MYO16: variants seen among roughly 807,000 people sequenced by gnomAD.
MYO16 encodes the protein unconventional myosin-XVI.
A neutral mutation model predicts 205.3 loss-of-function variants in MYO16; 94 were observed. That is an observed-to-expected ratio of 0.46 (90% CI 0.39 to 0.54). The LOEUF (loss-of-function observed/expected upper bound fraction) is 0.54. MYO16 is among the 20% of genes least tolerant of loss of function. The pLI, the probability that MYO16 is intolerant of heterozygous loss-of-function variation, is 0.00. For synonymous variants in MYO16, 988 were observed against 954.0 expected, an observed-to-expected ratio of 1.04 and a Z score of -0.66; for missense variants, 2,315 against 2,387.5, an observed-to-expected ratio of 0.97 and a Z score of 0.63.
intron 34 of MYO16, among the ~76,000 whole-genome samples, chr13:109,200,040 AG>A (rs1880339779): frequency 6.6e-6 from 1 of 152,226 alleles, no homozygotes; most frequent in South Asian, 2.1e-4. Flanking sequence ...CTTGTGTTTC[AG>A]AATCTAATAA....
chr13:108,572,809 G>T, the MYO16 span, among the ~76,000 whole-genome samples: 1 of 152,252 alleles, frequency 6.6e-6, no homozygotes, highest in South Asian at 2.1e-4. Context: ...ATGGGGAGGG[G>T]AGCATGTTAA....
At chr13:108,730,313 A>T (rs1434582185) in intron 4 of MYO16, among the ~76,000 whole-genome samples, 1 of 152,132 alleles carries the variant, frequency 6.6e-6, no homozygotes, top group Admixed American at 6.6e-5. Flanking sequence ...CCATGATTGT[A>T]AGTTTCCTGA....
intron 9 of MYO16, among the ~76,000 whole-genome samples, chr13:108,833,591 C>T (rs980037949): frequency 6.6e-6 from 1 of 152,048 alleles, no homozygotes; most frequent in Non-Finnish European, 1.5e-5. Flanking sequence ...TATTTCATCT[C>T]TATGGTTTTC....
In MYO16 at chr13:109,038,484, A is replaced by C. The variant is rs1001892315; in HGVS notation, c.2797-8432A>C. ...CCCTCTGACTTAGACTGGAATCTACACTATTGGCTCTCTGGCTGTCAGGCT... is the reference window on the plus strand; with the variant it reads ...CCCTCTGACTTAGACTGGAATCTACCCTATTGGCTCTCTGGCTGTCAGGCT... On this transcript the variant is annotated intron_variant, in intron 23 of 34. Transcript: ENST00000457511. Among the ~76,000 whole-genome samples, 5 of 152,164 alleles carry C rather than the reference A, an allele frequency of 3.3e-5. No homozygotes were observed. The South Asian group carries it at 1.0e-3, about 32-fold the overall frequency.
intron 16 of MYO16, among the ~76,000 whole-genome samples, chr13:108,924,431 T>C (rs1005402689): frequency 6.6e-6 from 1 of 152,172 alleles, no homozygotes; most frequent in African/African-American, 2.4e-5. Context: ...GCAATCATCC[T>C]AATAAGGTGC....
intron 2 of MYO16, among the ~76,000 whole-genome samples, chr13:108,681,367 G>T (rs912638286): frequency 1.3e-5 from 2 of 152,170 alleles, no homozygotes; most frequent in Non-Finnish European, 2.9e-5. Flanking sequence ...AGTGATGCTT[G>T]TAACTTTTAC....
Position 109,140,551 on chromosome 13 carries a change from C to A in MYO16, c.4339C>A (p.Pro1447Thr). Reference sequence around the variant, plus strand: ...GGGGCACGCGGCCAGGCCCGATAGCCCGGACCCCGGGGAGTCCGTGTACGA... The same window carrying A: ...GGGGCACGCGGCCAGGCCCGATAGCACGGACCCCGGGGAGTCCGTGTACGA... Reference protein sequence around the residue: ...MLGHAARPDSPDPGESVYEEM... With the variant: ...MLGHAARPDSTDPGESVYEEM... Residue 1447 changes from proline to threonine, a missense_variant, in exon 32 of 35, where the codon CCG becomes ACG. By Grantham distance (38) the Pro-to-Thr change is conservative. Transcript: ENST00000457511. The surrounding 1 kb of genome is among the most constrained non-coding windows in gnomAD (Gnocchi z 8.0). 6.5e-7 allele frequency: 1 copy of A among 1,544,056 alleles called. No homozygotes were observed. Among genetic ancestry groups the A allele is most frequent in the Non-Finnish European group, 8.7e-7 (1 of 1,152,476 alleles).
chr13:108,554,848 TA>T, the MYO16 span, among the ~76,000 whole-genome samples: 25,305 of 76,482 alleles, frequency 0.33, 2,440 homozygotes, highest in African/African-American at 0.36. Context: ...AGACTCTGAC[TA>T]AAAAAAAAAA....
At chr13:109,163,169 AG>A (rs1454386598) in intron 32 of MYO16, among the ~76,000 whole-genome samples, 2 of 33,924 alleles carry the variant, frequency 5.9e-5, no homozygotes, top group Non-Finnish European at 1.8e-4. Flanking sequence ...CTTTCTGGGC[AG>A]AACAGGCTGT....
At chr13:109,177,829 T>C (rs1323855469) in intron 33 of MYO16, among the ~76,000 whole-genome samples, 3 of 152,212 alleles carry the variant, frequency 2.0e-5, no homozygotes, top group African/African-American at 7.2e-5. Context: ...ACTTCTAATT[T>C]ATAATTTAGG....
intron 33 of MYO16, among the ~76,000 whole-genome samples, chr13:109,178,301 A>T (rs1594162650): frequency 6.6e-6 from 1 of 151,674 alleles, no homozygotes; most frequent in African/African-American, 2.4e-5. Context: ...CCCCCCACCC[A>T]CTAGCCATTG....
chr13:108,870,102 C>A (rs1878975048), intron 12 of MYO16, among the ~76,000 whole-genome samples: 2 of 151,668 alleles, frequency 1.3e-5, no homozygotes, highest in Admixed American at 1.3e-4. Flanking sequence ...CATTTTATTG[C>A]TGTTTTAAGA....
At chr13:108,762,287 TG>T (rs35430220) in intron 4 of MYO16, among the ~76,000 whole-genome samples, 83,670 of 151,970 alleles carry the variant, frequency 0.55, 23,237 homozygotes, top group East Asian at 0.63. Context: ...CTATTGTGAA[TG>T]GTGCTGCAAT....
intron 4 of MYO16, among the ~76,000 whole-genome samples, chr13:108,781,171 G>A (rs1205624014): frequency 6.6e-6 from 1 of 152,186 alleles, no homozygotes; most frequent in Non-Finnish European, 1.5e-5. Flanking sequence ...TATGAATTGG[G>A]AAGGATTCTC....
the MYO16 span, among the ~76,000 whole-genome samples, chr13:108,495,801 C>G: frequency 6.6e-6 from 1 of 151,436 alleles, no homozygotes; most frequent in Non-Finnish European, 1.5e-5. Flanking sequence ...GCAACCGCGC[C>G]GGCCCCGGGC....
Position 108,665,915 on chromosome 13 carries a change from T to G in MYO16, c.58T>G (p.Ser20Ala), listed in dbSNP as rs768868695. The G allele has an allele frequency of 1.2e-6, 2 of 1,613,880 alleles. No homozygotes were observed. Among genetic ancestry groups the G allele is most frequent in the African/African-American group, 2.7e-5 (2 of 74,928 alleles). Residue 20 changes from serine to alanine, a missense_variant, in exon 2 of 35, where the codon TCC (serine) becomes GCC (alanine). This residue lies in a region of MYO16 where 1,213 missense variants were observed against 1,274.4 expected (regional missense o/e 0.95). Transcript: ENST00000457511. ...CTTTCAGCTATGTAACGTTTTTCGA[T>G]CCCATGAGATGGAAATCGACCAGTG... ...CCFQLCNVFR[S>A]HEMEIDQCLL... is the part of the protein sequence containing the mutation.
chr13:108,499,075 T>C, the MYO16 span, among the ~76,000 whole-genome samples: 1 of 152,208 alleles, frequency 6.6e-6, no homozygotes, highest in Non-Finnish European at 1.5e-5. Flanking sequence ...TGCTATTCAG[T>C]AAGGATTCAG....
At chr13:108,597,771 G>A (rs182527344) in intron 1 of MYO16, among the ~76,000 whole-genome samples, 40 of 152,092 alleles carry the variant, frequency 2.6e-4, no homozygotes, top group Admixed American at 2.2e-3. Context: ...GGTTTCATGC[G>A]GTCATGGTCA....
At chr13:109,167,768 G>A (rs566472887) in intron 33 of MYO16, among the ~76,000 whole-genome samples, 16 of 152,090 alleles carry the variant, frequency 1.1e-4, no homozygotes, top group South Asian at 8.3e-4. Flanking sequence ...TACTATCTTC[G>A]AAAAGTAGCA....
Sources: gnomAD v4.1 joint callset for allele counts (sites outside exome capture counted in the v4.1 genomes callset) on GRCh38, gnomAD v4.1.1 for gene constraint, gnomAD v4.1.1 regional missense constraint, Gnocchi (gnomAD v3.1) non-coding constraint, MANE v1.5 for transcripts, NCBI Gene and HGNC (gene_info 2026-07-23, HGNC 2026-07-21) for gene names.